Variants in CATSPERT observed in about 807,000 individuals in gnomAD.
The protein encoded by CATSPERT is catsper channel auxiliary subunit tau.
chr2:201,597,647 T>G, the CATSPERT span, among the ~76,000 whole-genome samples: 1 of 152,114 alleles, frequency 6.6e-6, no homozygotes, highest in Admixed American at 6.5e-5. Context: ...GTGCTTCCCT[T>G]CTCTTTAGAA....
At chr2:201,529,577 C>T in the CATSPERT span, among the ~76,000 whole-genome samples, 8 of 152,050 alleles carry the variant, frequency 5.3e-5, no homozygotes, top group African/African-American at 9.7e-5. Context: ...TTATCTCACA[C>T]CATACACAAA....
chr2:201,556,486 C>T, the CATSPERT span, among the ~76,000 whole-genome samples: 1 of 140,104 alleles, frequency 7.1e-6, no homozygotes, highest in African/African-American at 2.7e-5. Flanking sequence ...CCAGCCTGGG[C>T]GACAAAGCAA....
chr2:201,591,785 TTGTC>T, the CATSPERT span, among the ~76,000 whole-genome samples: 1 of 152,088 alleles, frequency 6.6e-6, no homozygotes, highest in East Asian at 1.9e-4. Flanking sequence ...GGCTCTCTGT[TTGTC>T]TGTTATTGGT....
At chr2:201,532,450 T>G in the CATSPERT span, among the ~76,000 whole-genome samples, 3 of 152,162 alleles carry the variant, frequency 2.0e-5, no homozygotes, top group Non-Finnish European at 4.4e-5. Context: ...AGTTTGACGT[T>G]TCTATAAGCT....
the CATSPERT span, among the ~76,000 whole-genome samples, chr2:201,593,510 G>A: frequency 8.9e-6 from 1 of 112,006 alleles, no homozygotes; most frequent in Non-Finnish European, 1.9e-5. Flanking sequence ...GCTTGGTGCA[G>A]AGCTGAGTTC....
the CATSPERT span, among the ~76,000 whole-genome samples, chr2:201,551,603 G>A: frequency 6.6e-6 from 1 of 152,100 alleles, no homozygotes; most frequent in Non-Finnish European, 1.5e-5. Flanking sequence ...GAGAGCTCAG[G>A]CATTGTGAGT....
chr2:201,558,704 A>C, the CATSPERT span, among the ~76,000 whole-genome samples: 9 of 152,266 alleles, frequency 5.9e-5, no homozygotes, highest in East Asian at 1.7e-3. Context: ...ATTGCCCTGG[A>C]TTAGGAACGC....
chr2:201,493,053 T>C, the CATSPERT span: 1 of 1,536,226 alleles, frequency 6.5e-7, no homozygotes, highest in Non-Finnish European at 8.7e-7. Flanking sequence ...GAATTAGTCT[T>C]TCTAATTCTT....
At chr2:201,524,904 CAAG>C in the CATSPERT span, among the ~76,000 whole-genome samples, 1 of 152,174 alleles carries the variant, frequency 6.6e-6, no homozygotes, top group Non-Finnish European at 1.5e-5. Context: ...TTCACTTCAA[CAAG>C]AAGACTTAAC....
chr2:201,565,933 T>G, the CATSPERT span: 1 of 1,444,394 alleles, frequency 6.9e-7, no homozygotes, highest in Non-Finnish European at 9.4e-7. Context: ...CCAAAATCAG[T>G]GGCAGCTATC....
the CATSPERT span, among the ~76,000 whole-genome samples, chr2:201,614,017 T>C: frequency 1.3e-5 from 2 of 152,026 alleles, no homozygotes; most frequent in African/African-American, 4.8e-5. Flanking sequence ...GAAAAAAGAA[T>C]AAAAAGAAAT....
chr2:201,520,666 T>A, the CATSPERT span, among the ~76,000 whole-genome samples: 3 of 152,028 alleles, frequency 2.0e-5, no homozygotes, highest in African/African-American at 7.2e-5. Flanking sequence ...GGCGGGTGGA[T>A]CATTTGAGGT....
chr2:201,526,914 A>G, the CATSPERT span, among the ~76,000 whole-genome samples: 1 of 152,166 alleles, frequency 6.6e-6, no homozygotes, highest in Non-Finnish European at 1.5e-5. Flanking sequence ...TTCTTCCAAA[A>G]TCAGGCAAGA....
the CATSPERT span, among the ~76,000 whole-genome samples, chr2:201,599,118 C>T: frequency 1.3e-5 from 2 of 152,190 alleles, no homozygotes; most frequent in East Asian, 3.9e-4. Context: ...CCCTGTGGCC[C>T]TCAGTGGTGT....
chr2:201,495,865 G>A, the CATSPERT span: 4 of 1,400,690 alleles, frequency 2.9e-6, no homozygotes, highest in Non-Finnish European at 4.0e-6. Context: ...TAAGTATAAT[G>A]ATACTGGGAT....
chr2:201,541,529 TTTTATATA>T, the CATSPERT span, among the ~76,000 whole-genome samples: 2 of 69,104 alleles, frequency 2.9e-5, no homozygotes, highest in South Asian at 4.6e-4. Context: ...GCTCAGATGA[TTTTATATA>T]TATATATATA....
At chr2:201,543,880 T>C in the CATSPERT span, among the ~76,000 whole-genome samples, 1 of 152,148 alleles carries the variant, frequency 6.6e-6, no homozygotes, top group African/African-American at 2.4e-5. Flanking sequence ...TTATTATACT[T>C]TAAGTTCTAG....
chr2:201,611,406 T>C, the CATSPERT span, among the ~76,000 whole-genome samples: 1 of 152,160 alleles, frequency 6.6e-6, no homozygotes, highest in Non-Finnish European at 1.5e-5. Context: ...TCAAAAAATA[T>C]TTTGAGACCA....
At chr2:201,531,533 G>A in the CATSPERT span, among the ~76,000 whole-genome samples, 681 of 152,234 alleles carry the variant, frequency 4.5e-3, 1 homozygote, top group African/African-American at 0.015. Flanking sequence ...TATGAAGAAA[G>A]AATACTAGGG....
Sources: allele counts gnomAD v4.1 joint callset (sites outside exome capture counted in the v4.1 genomes callset), GRCh38; gene constraint gnomAD v4.1.1; transcripts MANE v1.5; gene names NCBI Gene and HGNC (gene_info 2026-07-23, HGNC 2026-07-21).